NCKAP5: variants seen among roughly 807,000 people sequenced by gnomAD.
NCKAP5 encodes nck-associated protein 5.
Under a neutral mutation model 167.0 loss-of-function variants are expected in NCKAP5, and 92 were observed. The observed-to-expected ratio is 0.55, with a 90% confidence interval of 0.47 to 0.66. The LOEUF (loss-of-function observed/expected upper bound fraction) is 0.66. Ranked by LOEUF, NCKAP5 falls within the 30% of genes least tolerant of loss-of-function variation. NCKAP5 has a pLI of 0.00. For missense variants in NCKAP5, 2,378 were observed against 2,315.0 expected (o/e 1.03, Z -0.56); for synonymous variants, 891 against 877.4 (o/e 1.02, Z -0.27).
At chr2:132,847,849 T>C (rs957226427) in intron 11 of NCKAP5, among the ~76,000 whole-genome samples, 5 of 152,204 alleles carry the variant, frequency 3.3e-5, no homozygotes, top group African/African-American at 9.7e-5. Flanking sequence ...TAACCCACGG[T>C]GACAGAAAGC....
intron 6 of NCKAP5, among the ~76,000 whole-genome samples, chr2:133,037,693 A>G (rs964319298): frequency 6.6e-6 from 1 of 152,144 alleles, no homozygotes; most frequent in African/African-American, 2.4e-5. Flanking sequence ...CTACTACAAG[A>G]AAATAAATAT....
chr2:133,081,852 G>A (rs2149594186), intron 6 of NCKAP5, among the ~76,000 whole-genome samples: 1 of 152,238 alleles, frequency 6.6e-6, no homozygotes, highest in East Asian at 1.9e-4. Flanking sequence ...CAGACATCAA[G>A]TGACACAGAA....
intron 8 of NCKAP5, among the ~76,000 whole-genome samples, chr2:132,912,987 T>TAATAACATTAATAA (rs1694574703): frequency 6.6e-6 from 1 of 152,144 alleles, no homozygotes; most frequent in Non-Finnish European, 1.5e-5. Context: ...TAGAAAGCAC[T>TAATAACATTAATAA]CAGTGTTTAA....
chr2:133,586,283 A>G, the NCKAP5 span, among the ~76,000 whole-genome samples: 1 of 152,086 alleles, frequency 6.6e-6, no homozygotes, highest in Admixed American at 6.6e-5. Flanking sequence ...CTGCGGCCCA[A>G]TAATGTCCAC....
At chr2:133,232,583 G>A (rs1352397398) in intron 4 of NCKAP5, among the ~76,000 whole-genome samples, 12 of 152,156 alleles carry the variant, frequency 7.9e-5, no homozygotes, top group Admixed American at 1.3e-4. Context: ...CAATAAGACC[G>A]TTGTGTGTGA....
intron 3 of NCKAP5, among the ~76,000 whole-genome samples, chr2:133,392,696 T>TA (rs1471783138): frequency 6.6e-6 from 1 of 152,178 alleles, no homozygotes; most frequent in African/African-American, 2.4e-5. Flanking sequence ...TAAAATTGAA[T>TA]AAATTTATTT....
chr2:133,563,152 A>G lies in NCKAP5; in HGVS notation c.-129-4035T>C, dbSNP rs146322894. ...ACCAAATGGCCAAACATTATTTCCA[A>G]TTTTTTCTTTGTATCTAATCCCTGG... On this transcript the variant is annotated intron_variant, in intron 1 of 19. Coordinates refer to ENST00000409261, the MANE Select transcript of NCKAP5 (RefSeq NM_207363.3). Among the ~76,000 whole-genome samples the G allele has an allele frequency of 2.0e-5, 3 of 152,156 alleles. 1 individual carries two copies. Among genetic ancestry groups the G allele is most frequent in the African/African-American group, 4.8e-5 (2 of 41,494 alleles).
chr2:132,974,396 C>T (rs1018613585), intron 7 of NCKAP5, among the ~76,000 whole-genome samples: 10 of 152,188 alleles, frequency 6.6e-5, no homozygotes, highest in East Asian at 3.9e-4. Flanking sequence ...TAATAAATAA[C>T]GATTCATATT....
chr2:133,402,475 T>C (rs1184024532), intron 3 of NCKAP5, among the ~76,000 whole-genome samples: 3 of 152,142 alleles, frequency 2.0e-5, no homozygotes, highest in Admixed American at 2.0e-4. Flanking sequence ...GGCAAAGCTC[T>C]TTGGTAGCTG....
intron 7 of NCKAP5, among the ~76,000 whole-genome samples, chr2:132,986,502 AGTCAG>A (rs2077292538): frequency 6.6e-6 from 1 of 152,176 alleles, no homozygotes; most frequent in Admixed American, 6.5e-5. Context: ...TCTGATACTC[AGTCAG>A]GGCTGAGATG....
At chr2:133,230,053 T>C (rs74735336) in intron 4 of NCKAP5, among the ~76,000 whole-genome samples, 6,449 of 152,240 alleles carry the variant, frequency 0.042, 216 homozygotes, top group Non-Finnish European at 0.062. Context: ...ATCTCACTTG[T>C]TTTGAGCAAT....
the NCKAP5 span, among the ~76,000 whole-genome samples, chr2:133,620,485 T>G: frequency 5.3e-5 from 8 of 151,932 alleles, no homozygotes; most frequent in African/African-American, 1.9e-4. Context: ...TTATATCAGA[T>G]CAAACAAATA....
At chr2:133,670,121 C>A in the NCKAP5 span, among the ~76,000 whole-genome samples, 2 of 152,166 alleles carry the variant, frequency 1.3e-5, no homozygotes, top group Non-Finnish European at 2.9e-5. Flanking sequence ...TACCCCTTAC[C>A]AGCTCTGTGA....
At chr2:133,000,046 G>A (rs961808235) in intron 6 of NCKAP5, among the ~76,000 whole-genome samples, 3 of 152,186 alleles carry the variant, frequency 2.0e-5, no homozygotes, top group African/African-American at 7.2e-5. Flanking sequence ...ACTTAATAAT[G>A]AAATTAACCA....
At chr2:132,874,805 G>A (rs1691138872) in intron 9 of NCKAP5, among the ~76,000 whole-genome samples, 1 of 152,132 alleles carries the variant, frequency 6.6e-6, no homozygotes, top group Non-Finnish European at 1.5e-5. Flanking sequence ...GTCTGAATGA[G>A]GTCTACGGAT....
At chr2:133,028,303 C>T (rs138368401) in intron 6 of NCKAP5, among the ~76,000 whole-genome samples, 2 of 152,210 alleles carry the variant, frequency 1.3e-5, no homozygotes, top group Non-Finnish European at 2.9e-5. Context: ...AATTACTTTC[C>T]AGAAATGAAG....
At chr2:132,756,714 A>G (rs1207782085) in intron 16 of NCKAP5, among the ~76,000 whole-genome samples, 2 of 152,230 alleles carry the variant, frequency 1.3e-5, no homozygotes, top group East Asian at 1.9e-4. Flanking sequence ...GACTGGGTCA[A>G]TGGTGAGGGG....
At chr2:133,186,768 TTTTG>T (rs1164572897) in intron 5 of NCKAP5, among the ~76,000 whole-genome samples, 2 of 151,968 alleles carry the variant, frequency 1.3e-5, no homozygotes, top group East Asian at 3.9e-4. Flanking sequence ...TCTGAGGATC[TTTTG>T]TATTTCTGTG....
intron 6 of NCKAP5, among the ~76,000 whole-genome samples, chr2:133,115,798 T>TAA (rs1369280122): frequency 8.1e-6 from 1 of 122,782 alleles, no homozygotes; most frequent in Non-Finnish European, 1.6e-5. Context: ...TATATATATA[T>TAA]ATATATATAT....
Sources: gnomAD v4.1 joint callset for allele counts (sites outside exome capture counted in the v4.1 genomes callset) on GRCh38, gnomAD v4.1.1 for gene constraint, MANE v1.5 for transcripts, NCBI Gene and HGNC (gene_info 2026-07-23, HGNC 2026-07-21) for gene names.